Variants in ABCG2 observed in about 807,000 individuals in gnomAD.
The protein encoded by ABCG2 is ATP binding cassette subfamily G member 2 (JR blood group), also known as broad substrate specificity ATP-binding cassette transporter ABCG2.
ABCG2 carries 80 observed loss-of-function variants against 73.5 expected under a neutral mutation model. The ratio of observed to expected loss-of-function variants is 1.09; its 90% CI spans 0.91 to 1.31. The LOEUF (loss-of-function observed/expected upper bound fraction) is 1.31, where lower values mean the gene tolerates loss of function less well. Among genes scored for constraint, ABCG2 ranks in the 50% most tolerant of loss-of-function variants. The probability of loss-of-function intolerance (pLI) is 0.00; values close to 1 mark genes in which losing one functional copy is unlikely to be tolerated. For missense variants in ABCG2, 796 were observed against 786.2 expected (o/e 1.01, Z -0.15); for synonymous variants, 269 against 282.4 (o/e 0.95, Z 0.48).
At chr4:88,115,254 C>CTA (rs1303816219) in intron 7 of ABCG2, among the ~76,000 whole-genome samples, 196 bp from the exon 8 acceptor site, 52 of 77,882 alleles carry the variant, frequency 6.7e-4, no homozygotes, top group African/African-American at 2.2e-3. Context: ...CTCTCTCTCT[C>CTA]TCTATATATA....
chr4:88,113,633 G>A, intron 8 of ABCG2, 80 bp from the exon 9 acceptor site: 1 of 1,527,010 alleles, frequency 6.5e-7, no homozygotes, highest in East Asian at 2.3e-5. Context: ...ACCCTTTCTT[G>A]GATGCTTCCC....
Position 88,092,389 on chromosome 4 carries a change from TA to T in ABCG2, c.1821-9del. On this transcript the variant is annotated splice_polypyrimidine_tract_variant and intron_variant, in intron 15 of 15. Transcript: ENST00000237612. ...TATTCTTCGCCAGTACATCTGAAATTAAACAGAAAAAGAATATAACTTCATT... is the reference window on the plus strand; with the variant it reads ...TATTCTTCGCCAGTACATCTGAAATTAACAGAAAAAGAATATAACTTCATT... 1 of 1,605,312 alleles carries T rather than the reference TA, an allele frequency of 6.2e-7. No individual in the cohort carries two copies. Among genetic ancestry groups the T allele is most frequent in the Non-Finnish European group, 8.5e-7 (1 of 1,177,906 alleles).
chr4:88,124,286 A>C (rs1210794660), intron 5 of ABCG2, among the ~76,000 whole-genome samples: 1 of 152,218 alleles, frequency 6.6e-6, no homozygotes, highest in Non-Finnish European at 1.5e-5. Flanking sequence ...TAACATCATA[A>C]TGACAGGATC....
At chr4:88,130,951 C>G (rs1341936958) in intron 5 of ABCG2, 110 bp downstream of exon 5, 4 of 1,252,060 alleles carry the variant, frequency 3.2e-6, no homozygotes, top group Non-Finnish European at 4.4e-6. Context: ...TGGAAAGCAA[C>G]CATTTTTGAC....
intron 1 of ABCG2, among the ~76,000 whole-genome samples, chr4:88,203,700 G>A (rs1729269700): frequency 6.6e-6 from 1 of 150,388 alleles, no homozygotes; most frequent in Non-Finnish European, 1.5e-5. Flanking sequence ...GTTGCAGTGA[G>A]CTGAGATCGT....
chr4:88,093,281 G>A (rs1414311439), intron 15 of ABCG2, among the ~76,000 whole-genome samples: 1 of 152,138 alleles, frequency 6.6e-6, no homozygotes, highest in African/African-American at 2.4e-5. Flanking sequence ...CAAGGCAGGT[G>A]GATCACGAGG....
At chr4:88,125,619 A>AAC (rs1724349663) in intron 5 of ABCG2, among the ~76,000 whole-genome samples, 1 of 148,182 alleles carries the variant, frequency 6.7e-6, no homozygotes. Flanking sequence ...AAAAAAAAAA[A>AAC]AAAAAAAAAA....
rs1041691926 is a variant in ABCG2, at chr4:88,176,266, A to C, written c.-19-36252T>G. ...TGCCTTGGCCTCACAAAATGCTGGG[A>C]TTACAGGTGTGAGCCACTGTACCCA... On this transcript the variant is annotated intron_variant, in intron 1 of 15. Coordinates refer to the ABCG2 transcript ENST00000515655. 2.0e-5 allele frequency among the ~76,000 whole-genome samples: 3 copies of C among 151,642 alleles called. No homozygotes were observed. In the East Asian group the frequency reaches 5.8e-4, roughly 30 times the overall value.
chr4:88,126,684 T>A (rs1257451265), intron 5 of ABCG2, among the ~76,000 whole-genome samples: 2 of 152,174 alleles, frequency 1.3e-5, no homozygotes, highest in African/African-American at 4.8e-5. Context: ...AACCACATGA[T>A]TAACTCAATA....
Position 88,139,991 on chromosome 4 carries a change from G to C in ABCG2, c.5C>G (p.Ser2Cys). ...GATAAAAACTTCGACATTACTGGAA[G>C]ACATCTGGAGAGTTTTTATCTTTCT... The part of the protein sequence containing the change: M[S>C]SSNVEVFIPV... Residue 2 changes from serine to cysteine, a missense_variant, in exon 2 of 16, where the codon TCT becomes TGT. Coordinates refer to ENST00000237612, the MANE Select transcript of ABCG2 (RefSeq NM_004827.3). The C allele has an allele frequency of 6.2e-7, 1 of 1,613,784 alleles. No individual in the cohort carries two copies. The highest frequency in any genetic ancestry group is 1.1e-5 in the South Asian group (1 of 90,972).
intron 1 of ABCG2, among the ~76,000 whole-genome samples, chr4:88,213,976 C>T (rs370317319): frequency 1.5e-4 from 20 of 134,070 alleles, no homozygotes; most frequent in African/African-American, 4.7e-4. Flanking sequence ...AGCCACCACG[C>T]CCGGCCTTTT....
intron 1 of ABCG2, among the ~76,000 whole-genome samples, chr4:88,170,161 CT>C (rs1257596152): frequency 4.7e-5 from 7 of 150,312 alleles, no homozygotes; most frequent in African/African-American, 1.7e-4. Context: ...TTCTTTCCTC[CT>C]TTCTTGCCAG....
At chr4:88,107,392 A>C (rs41282399) in intron 9 of ABCG2, 126 bp from the exon 10 acceptor site, 13,117 of 616,994 alleles carry the variant, frequency 0.021, 201 homozygotes, top group African/African-American at 0.046. Context: ...TAAACACTCA[A>C]TGGCTTGGCC....
rs755618195 is a variant in ABCG2 at position 88,113,566 on chromosome 4, T to A, written c.944-13A>T. ...ATGATCTCTGTGGCTTTGCAATCAG[T>A]GGATAAAAAGGAAACACAAACAAGA... On this transcript the variant is annotated splice_polypyrimidine_tract_variant and intron_variant, in intron 8 of 15. Coordinates refer to ENST00000237612, the MANE Select transcript of ABCG2 (RefSeq NM_004827.3). The A allele has an allele frequency of 3.9e-5, 62 of 1,605,250 alleles. No homozygotes were observed. Among genetic ancestry groups the A allele is most frequent in the Non-Finnish European group, 4.9e-5 (58 of 1,175,624 alleles).
At chr4:88,112,936 C>A (rs1007646935) in intron 9 of ABCG2, among the ~76,000 whole-genome samples, 6 of 151,856 alleles carry the variant, frequency 4.0e-5, no homozygotes, top group Admixed American at 2.0e-4. Flanking sequence ...ACAGCGAAAC[C>A]CCATCTCTAC....
At chr4:88,172,943 C>T (rs1159843711) in intron 1 of ABCG2, among the ~76,000 whole-genome samples, 1 of 152,146 alleles carries the variant, frequency 6.6e-6, no homozygotes, top group Non-Finnish European at 1.5e-5. Context: ...GGGCTCAAGG[C>T]ACACAGGGAC....
intron 1 of ABCG2, among the ~76,000 whole-genome samples, chr4:88,194,850 T>A (rs1434996845): frequency 6.6e-6 from 1 of 151,956 alleles, no homozygotes; most frequent in African/African-American, 2.4e-5. Flanking sequence ...GGGCAGGAGT[T>A]AATGGGGAGC....
chr4:88,096,785 T>A (rs534677181), intron 13 of ABCG2, among the ~76,000 whole-genome samples: 9 of 152,030 alleles, frequency 5.9e-5, no homozygotes, highest in African/African-American at 1.9e-4. Context: ...ATATTGAATG[T>A]CAGGAACGAA....
intron 1 of ABCG2, among the ~76,000 whole-genome samples, chr4:88,208,742 G>A (rs995922501): frequency 6.6e-6 from 1 of 152,132 alleles, no homozygotes; most frequent in Admixed American, 6.6e-5. Flanking sequence ...TTTCCCAAGT[G>A]CTCAATCAAC....
Sources: gnomAD v4.1 joint callset for allele counts (sites outside exome capture counted in the v4.1 genomes callset) on GRCh38, gnomAD v4.1.1 for gene constraint, MANE v1.5 for transcripts, NCBI Gene and HGNC (gene_info 2026-07-23, HGNC 2026-07-21) for gene names.